Variants in SEMA4D observed in about 807,000 individuals in gnomAD.
SEMA4D encodes the protein semaphorin-4D.
Under a neutral mutation model 74.8 loss-of-function variants are expected in SEMA4D, and 22 were observed. That is an observed-to-expected ratio of 0.29 (90% confidence interval 0.21 to 0.42). The LOEUF (loss-of-function observed/expected upper bound fraction) is 0.42. Ranked by LOEUF, SEMA4D falls within the 10% of genes least tolerant of loss-of-function variation. SEMA4D has a pLI of 1.00. For synonymous variants in SEMA4D, 445 were observed against 463.7 expected (o/e 0.96, Z 0.52); for missense variants, 937 against 1,118.4 (o/e 0.84, Z 2.31).
At chr9:89,362,547 TGTG>T (rs1832857917) in intron 18 of SEMA4D, 1 of 1,566,328 alleles carries the variant, frequency 6.4e-7, no homozygotes, top group Admixed American at 1.7e-5. Context: ...AGCCCCCTGT[TGTG>T]GTTCCCCTCC....
intron 2 of SEMA4D, among the ~76,000 whole-genome samples, chr9:89,423,149 C>G (rs1847318327): frequency 6.6e-6 from 1 of 151,268 alleles, no homozygotes; most frequent in Admixed American, 6.6e-5. Context: ...CAAAGTAATA[C>G]TATATTTGCT....
rs369736105 is a variant in SEMA4D, at chr9:89,396,773, A to G, written c.378T>C (p.Cys126=). ...AGGCCGGCTGGAATGCGTTGGTCCCACACACGTAAAGGGAAGTGGCGCTGA... is the reference window on the plus strand; with the variant it reads ...AGGCCGGCTGGAATGCGTTGGTCCCGCACACGTAAAGGGAAGTGGCGCTGA... ...QPLSATSLYV[C]GTNAFQPACD... The change falls in exon 6 of 16, where the codon TGT becomes TGC. Residue 126 remains cysteine, a synonymous_variant. Transcript: ENST00000422704. 5 of 1,614,012 alleles carry G rather than the reference A, an allele frequency of 3.1e-6. No homozygotes were observed. Among genetic ancestry groups the G allele is most frequent in the Non-Finnish European group, 4.2e-6 (5 of 1,179,942 alleles).
At chr9:89,462,349 T>C (rs1355774288) in intron 1 of SEMA4D, among the ~76,000 whole-genome samples, 1 of 152,190 alleles carries the variant, frequency 6.6e-6, no homozygotes, top group Non-Finnish European at 1.5e-5. Context: ...CATTAACGTA[T>C]GGCACAAAAG....
rs372407245 is a variant in SEMA4D, at chr9:89,476,099, TC to T, written c.-309-20147del. 2.5e-3 allele frequency among the ~76,000 whole-genome samples: 379 copies of T among 152,306 alleles called. 3 individuals carry two copies. The highest frequency in any genetic ancestry group is 8.7e-3 in the African/African-American group (361 of 41,560). On this transcript the variant is annotated intron_variant, in intron 1 of 15. Coordinates refer to ENST00000422704, the MANE Select transcript of SEMA4D (RefSeq NM_001371194.2). ...GCTTGCACAAGGCCCCGGACCTCGC[TC>T]CTGGTGCCATTAGAATGTAAGAAGT... is the stretch of plus-strand genomic sequence containing the variant.
At position 89,385,039 on chromosome 9, in the gene SEMA4D, C is replaced by T. The variant is rs181837349; in HGVS notation, c.1446+1328G>A. 1.4e-4 allele frequency: 140 copies of T among 985,390 alleles called. 2 individuals carry two copies. The East Asian group carries it at 0.013, about 93-fold the overall frequency. 61.0% of individuals were successfully genotyped at this position (985,390 alleles called of 1,614,324 possible). On this transcript the variant is annotated intron_variant, in intron 13 of 15. Transcript: ENST00000422704. ...TCCAGTAGGACCAGCAAGCGCTTCCCCAAACCCACTGGCTCCTCCTCCTGG... is the reference window on the plus strand; with the variant it reads ...TCCAGTAGGACCAGCAAGCGCTTCCTCAAACCCACTGGCTCCTCCTCCTGG...
chr9:89,473,711 C>T (rs146342252), intron 1 of SEMA4D, among the ~76,000 whole-genome samples: 1,651 of 151,992 alleles, frequency 0.011, 16 homozygotes, highest in Non-Finnish European at 0.017. Context: ...AAAAATTAGC[C>T]GGGCATGGTG....
At chr9:89,394,350 G>A (rs1840461179) in intron 6 of SEMA4D, among the ~76,000 whole-genome samples, 1 of 152,176 alleles carries the variant, frequency 6.6e-6, no homozygotes, top group South Asian at 2.1e-4. Flanking sequence ...ACAAACTGGG[G>A]GAAATGCCTA....
At chr9:89,407,357 G>A (rs1843541683) in intron 2 of SEMA4D, among the ~76,000 whole-genome samples, 1 of 152,176 alleles carries the variant, frequency 6.6e-6, no homozygotes. Flanking sequence ...GATGGCTGGA[G>A]CTCTGGCAGC....
chr9:89,383,145 T>G (rs1278672602), intron 13 of SEMA4D, among the ~76,000 whole-genome samples: 1 of 152,008 alleles, frequency 6.6e-6, no homozygotes, highest in Non-Finnish European at 1.5e-5. Context: ...GACCCACTGG[T>G]CGATGTGGAT....
At chr9:89,364,627 A>G (rs1397521609) in intron 16 of SEMA4D, 1 of 155,946 alleles carries the variant, frequency 6.4e-6, no homozygotes, top group Non-Finnish European at 1.4e-5. Flanking sequence ...TTCTGCCGCA[A>G]ACCTCTGTTG....
chr9:89,429,918 GC>G (rs1391890218), intron 2 of SEMA4D, among the ~76,000 whole-genome samples: 1 of 152,126 alleles, frequency 6.6e-6, no homozygotes, highest in Non-Finnish European at 1.5e-5. Flanking sequence ...TTGGGGTCAA[GC>G]TTTGCCAAAT....
downstream of SEMA4D, chr9:89,376,701 A>G: frequency 7.6e-7 from 1 of 1,318,720 alleles, no homozygotes. Flanking sequence ...GCTCAACCCG[A>G]GGGACGCAGC....
intron 5 of SEMA4D, among the ~76,000 whole-genome samples, chr9:89,397,956 A>G (rs933058478): frequency 1.3e-5 from 2 of 152,116 alleles, no homozygotes; most frequent in African/African-American, 2.4e-5. Flanking sequence ...TGAGTACCAC[A>G]CTGAGGGGCC....
Position 89,381,088 on chromosome 9 carries a change from G to C in SEMA4D, c.1630C>G (p.Gln544Glu). 1.2e-6 allele frequency: 2 copies of C among 1,614,122 alleles called. No homozygotes were observed. The highest frequency in any genetic ancestry group is 1.7e-6 in the Non-Finnish European group (2 of 1,180,038). Residue 544 changes from glutamine to glutamate, a missense_variant, in exon 15 of 16, where the codon CAG (glutamine) becomes GAG (glutamate). Gln to Glu is a conservative substitution (Grantham distance 29, BLOSUM62 2). Transcript: ENST00000422704. This position sits in a 1 kb window ranked among gnomAD's most constrained non-coding sequence, Gnocchi z 4.6. ...QTESPSRGLIQEMSGDASVCP... is the reference protein window; with the variant it reads ...QTESPSRGLIEEMSGDASVCP... ...ACAGAAGCATCGCCGCTCATCTCCT[G>C]AATCAAACCCCTGCAAAACAACCGG...
chr9:89,428,268 C>A (rs992292094), intron 2 of SEMA4D, among the ~76,000 whole-genome samples: 2 of 152,240 alleles, frequency 1.3e-5, no homozygotes, highest in South Asian at 2.1e-4. Flanking sequence ...AGGCGGCCCC[C>A]GCCATGGCCC....
chr9:89,449,982 GTTA>G, intron 2 of SEMA4D: 3 of 1,541,108 alleles, frequency 1.9e-6, no homozygotes, highest in Non-Finnish European at 2.7e-6. Context: ...GAAAGCAGAT[GTTA>G]TTAAGGCAGC....
rs79522330 is a variant in SEMA4D at position 89,379,111 on chromosome 9, G to A, written c.2182C>T (p.Leu728Phe). Reference protein sequence around the residue: ...PQLHSEKTMYLKSSDNRLLMS... With the variant: ...PQLHSEKTMYFKSSDNRLLMS... ...AGGAGGCGGTTGTCGCTGGACTTAA[G>A]ATACATGGTTTTCTCCGAGTGGAGC... Residue 728 changes from leucine to phenylalanine, a missense_variant, in exon 16 of 16, where the codon CTT becomes TTT. Leu to Phe is a conservative substitution (Grantham distance 22, BLOSUM62 0). Coordinates refer to ENST00000422704, the MANE Select transcript of SEMA4D (RefSeq NM_001371194.2). 1,973 of 1,614,178 alleles carry A rather than the reference G, an allele frequency of 1.2e-3. 22 individuals carry two copies. In the African/African-American group the frequency reaches 0.023, roughly 19 times the overall value.
chr9:89,402,839 T>C, intron 4 of SEMA4D, 32 bp downstream of exon 4: 1 of 1,601,794 alleles, frequency 6.2e-7, no homozygotes, highest in Non-Finnish European at 8.5e-7. Flanking sequence ...CAAGCTGGGC[T>C]ATGTGGACAT....
chr9:89,417,998 C>G, intron 2 of SEMA4D: 1 of 755,226 alleles, frequency 1.3e-6, no homozygotes, highest in Non-Finnish European at 1.6e-6. Flanking sequence ...ACTGAGGCCT[C>G]TACACATTAT....
Sources: gnomAD v4.1 joint callset for allele counts (sites outside exome capture counted in the v4.1 genomes callset) on GRCh38, gnomAD v4.1.1 for gene constraint, Gnocchi (gnomAD v3.1) non-coding constraint, MANE v1.5 for transcripts, NCBI Gene and HGNC (gene_info 2026-07-23, HGNC 2026-07-21) for gene names.